The following PPP1R1C variants were observed in gnomAD, a reference collection of about 807,000 sequenced individuals.
The protein encoded by PPP1R1C is protein phosphatase 1 regulatory subunit 1C.
Under a neutral mutation model 17.4 loss-of-function variants are expected in PPP1R1C, and 15 were observed. The ratio of observed to expected loss-of-function variants is 0.86; its 90% CI spans 0.58 to 1.33. The LOEUF is 1.33. PPP1R1C is among the 40% of genes most tolerant of loss of function. The pLI, the probability that PPP1R1C is intolerant of heterozygous loss-of-function variation, is 0.00. For synonymous variants in PPP1R1C, 35 were observed against 43.1 expected (o/e 0.81, Z 0.73); for missense variants, 143 against 130.0 (o/e 1.10, Z -0.48).
intron 4 of PPP1R1C, among the ~76,000 whole-genome samples, chr2:182,067,040 T>A (rs1688005962): frequency 1.3e-5 from 2 of 151,848 alleles, no homozygotes; most frequent in Non-Finnish European, 2.9e-5. Flanking sequence ...GCAAAGTAAG[T>A]GCTATTGATT....
At chr2:182,079,786 C>T (rs750585433) in intron 4 of PPP1R1C, among the ~76,000 whole-genome samples, 4 of 152,154 alleles carry the variant, frequency 2.6e-5, no homozygotes, top group Non-Finnish European at 4.4e-5. Context: ...TTGCCTCTTC[C>T]AGTTTCTGGT....
chr2:182,015,438 T>C (rs1156517132), intron 2 of PPP1R1C, among the ~76,000 whole-genome samples: 1 of 152,144 alleles, frequency 6.6e-6, no homozygotes, highest in Non-Finnish European at 1.5e-5. Flanking sequence ...CTCTGTTATA[T>C]CTTTATCAGC....
At position 181,986,206 on chromosome 2, in the gene PPP1R1C, A is replaced by G; in HGVS notation, c.81+15A>G. ...CAGCAGAGCAGGTATGTGAAATTGC[A>G]TGGAGAACCATTCCTGTACATAAGG... On this transcript the variant is annotated intron_variant, in intron 1 of 4. Coordinates refer to ENST00000682840, the MANE Select transcript of PPP1R1C (RefSeq NM_001080545.3). 1 of 1,575,872 alleles carries G rather than the reference A, an allele frequency of 6.3e-7. No individual in the cohort carries two copies. The highest frequency in any genetic ancestry group is 8.7e-7 in the Non-Finnish European group (1 of 1,144,936).
chr2:181,995,369 C>T (rs1316504138), intron 2 of PPP1R1C, among the ~76,000 whole-genome samples: 1 of 152,164 alleles, frequency 6.6e-6, no homozygotes, highest in Non-Finnish European at 1.5e-5. Flanking sequence ...TGTTTACTGC[C>T]TGAGTTTCCT....
intron 4 of PPP1R1C, among the ~76,000 whole-genome samples, chr2:182,084,083 A>G (rs1020870830): frequency 1.3e-5 from 2 of 151,910 alleles, no homozygotes; most frequent in Non-Finnish European, 2.9e-5. Flanking sequence ...CTATCTATTC[A>G]TGTCATTTGC....
downstream of PPP1R1C, among the ~76,000 whole-genome samples, chr2:182,120,228 A>T (rs1287721122): frequency 5.3e-5 from 8 of 152,072 alleles, no homozygotes; most frequent in African/African-American, 1.9e-4. Flanking sequence ...GATATGCGGC[A>T]TTATTTCTGA....
chr2:182,007,006 GTTTA>G (rs1685943254), intron 2 of PPP1R1C, among the ~76,000 whole-genome samples: 2 of 151,996 alleles, frequency 1.3e-5, no homozygotes, highest in Admixed American at 6.6e-5. Flanking sequence ...ATTGGTTTTT[GTTTA>G]TTTATGCGGA....
At chr2:182,021,198 A>T (rs1206585219) in intron 2 of PPP1R1C, among the ~76,000 whole-genome samples, 1 of 152,138 alleles carries the variant, frequency 6.6e-6, no homozygotes, top group East Asian at 1.9e-4. Flanking sequence ...CATGTGGTAG[A>T]AAGAGTCCTT....
intron 5 of PPP1R1C, among the ~76,000 whole-genome samples, chr2:182,123,148 C>T (rs905831481): frequency 2.6e-5 from 4 of 152,142 alleles, no homozygotes; most frequent in Non-Finnish European, 5.9e-5. Context: ...ATGATGGTTT[C>T]CAGCTTCATC....
At chr2:181,992,010 G>C (rs1685487019) in intron 2 of PPP1R1C, among the ~76,000 whole-genome samples, 1 of 152,106 alleles carries the variant, frequency 6.6e-6, no homozygotes, top group Admixed American at 6.5e-5. Context: ...GTCTTAAGTA[G>C]ACTTATGAAA....
intron 2 of PPP1R1C, among the ~76,000 whole-genome samples, chr2:182,045,938 A>C (rs1687329883): frequency 6.6e-6 from 1 of 152,138 alleles, no homozygotes; most frequent in South Asian, 2.1e-4. Flanking sequence ...ATTTTATTTT[A>C]CCTTTTACTG....
Position 182,096,546 on chromosome 2 carries a change from C to T in PPP1R1C, c.242-20661C>T, listed in dbSNP as rs143827353. On this transcript the variant is annotated intron_variant, in intron 4 of 4. Coordinates refer to ENST00000682840, the MANE Select transcript of PPP1R1C (RefSeq NM_001080545.3). The stretch of plus-strand genomic sequence containing the variant: ...GGCTCCGACTCCCGTGACCTCCCCT[C>T]GCAAATCTACACCTGGCTTTAAATG... 8.6e-3 allele frequency among the ~76,000 whole-genome samples: 1,306 copies of T among 152,136 alleles called. 8 individuals carry two copies. Among genetic ancestry groups the T allele is most frequent in the Non-Finnish European group, 0.013 (909 of 68,000 alleles).
At chr2:182,064,719 A>G (rs1416954649) in intron 4 of PPP1R1C, among the ~76,000 whole-genome samples, 2 of 152,126 alleles carry the variant, frequency 1.3e-5, no homozygotes, top group African/African-American at 4.8e-5. Flanking sequence ...TTGCTTGTTC[A>G]TAAGACTGCA....
chr2:182,072,499 T>C (rs1419613209), intron 4 of PPP1R1C, among the ~76,000 whole-genome samples: 1 of 152,226 alleles, frequency 6.6e-6, no homozygotes, highest in African/African-American at 2.4e-5. Flanking sequence ...ATAGTTTATT[T>C]TGGAGGAAAG....
At chr2:182,047,296 A>T (rs1687376548) in intron 2 of PPP1R1C, among the ~76,000 whole-genome samples, 1 of 152,238 alleles carries the variant, frequency 6.6e-6, no homozygotes, top group South Asian at 2.1e-4. Context: ...TCCTATTTAA[A>T]GGAATCTATA....
At position 182,117,572 on chromosome 2, in the gene PPP1R1C, A is replaced by G. The variant is rs905331210; in HGVS notation, c.*277A>G. ...AATTTGCATACATGTGACTGTTCTAACTTTAATACTGCCAGAGCTTAATCC... is the reference window on the plus strand; with the variant it reads ...AATTTGCATACATGTGACTGTTCTAGCTTTAATACTGCCAGAGCTTAATCC... On this transcript the variant is annotated 3_prime_UTR_variant, in exon 5 of 5. Transcript: ENST00000682840. The G allele has an allele frequency of 4.3e-5, 13 of 305,152 alleles. No individual in the cohort carries two copies. The South Asian group carries it at 8.9e-4, about 21-fold the overall frequency. The allele number at this position is 305,152 out of a possible 1,614,324, so 18.9% of individuals were successfully genotyped here.
intron 2 of PPP1R1C, among the ~76,000 whole-genome samples, chr2:182,017,779 A>G (rs1024975299): frequency 1.4e-4 from 21 of 152,184 alleles, no homozygotes; most frequent in African/African-American, 4.8e-4. Context: ...AGTTTACTGC[A>G]GAACATGTTG....
chr2:181,990,534 A>G (rs1166521091), intron 2 of PPP1R1C, among the ~76,000 whole-genome samples: 1 of 152,210 alleles, frequency 6.6e-6, no homozygotes, highest in African/African-American at 2.4e-5. Flanking sequence ...AAGAGTTACC[A>G]TGAACATGAC....
At chr2:182,066,437 A>C (rs2125200869) in intron 4 of PPP1R1C, among the ~76,000 whole-genome samples, 1 of 152,248 alleles carries the variant, frequency 6.6e-6, no homozygotes, top group South Asian at 2.1e-4. Flanking sequence ...AAATGTATGA[A>C]ACAAAACACA....
Sources: allele counts gnomAD v4.1 joint callset (sites outside exome capture counted in the v4.1 genomes callset), GRCh38; gene constraint gnomAD v4.1.1; transcripts MANE v1.5; gene names NCBI Gene and HGNC (gene_info 2026-07-23, HGNC 2026-07-21).